CDH4: variants seen among roughly 807,000 people sequenced by gnomAD.
The protein encoded by CDH4 is cadherin 4.
CDH4 carries 33 observed loss-of-function variants against 86.0 expected under a neutral mutation model. The ratio of observed to expected loss-of-function variants is 0.38; its 90% CI spans 0.29 to 0.51. CDH4 has a LOEUF of 0.51. CDH4 is among the 20% of genes least tolerant of loss of function. CDH4 has a pLI of 0.86. For synonymous variants in CDH4, 555 were observed against 549.4 expected (o/e 1.01, Z -0.14); for missense variants, 1,114 against 1,307.4 (o/e 0.85, Z 2.28).
chr20:61,929,917 AG>A, intron 13 of CDH4, 75 bp downstream of exon 13: 2 of 1,234,632 alleles, frequency 1.6e-6, no homozygotes, highest in Non-Finnish European at 2.4e-6. Flanking sequence ...TGGTGGGCAG[AG>A]GGGGGCCTGG....
intron 2 of CDH4, among the ~76,000 whole-genome samples, chr20:61,450,655 C>T (rs1211517092): frequency 6.6e-6 from 1 of 151,846 alleles, no homozygotes; most frequent in Non-Finnish European, 1.5e-5. Flanking sequence ...TGTCCCAAAC[C>T]GAGAAGGTGT....
chr20:61,696,648 C>T (rs529342445), intron 2 of CDH4, among the ~76,000 whole-genome samples: 53 of 152,294 alleles, frequency 3.5e-4, no homozygotes, highest in Non-Finnish European at 6.2e-4. Context: ...ACCCTCTGAC[C>T]CACTACCCTC....
chr20:61,275,168 T>C (rs1302357772), intron 2 of CDH4, among the ~76,000 whole-genome samples: 3 of 85,648 alleles, frequency 3.5e-5, no homozygotes, highest in Admixed American at 1.5e-4. Context: ...GTACCATGCA[T>C]AGTTTGGGGA....
intron 2 of CDH4, among the ~76,000 whole-genome samples, chr20:61,642,766 C>G (rs1355073147): frequency 6.6e-6 from 1 of 152,146 alleles, no homozygotes; most frequent in Admixed American, 6.5e-5. Context: ...GGGGAGAAAC[C>G]ACTTCCTTAC....
intron 2 of CDH4, among the ~76,000 whole-genome samples, chr20:61,530,364 G>GC (rs2085942799): frequency 6.6e-6 from 1 of 152,076 alleles, no homozygotes; most frequent in Non-Finnish European, 1.5e-5. Flanking sequence ...TATGGCTGTT[G>GC]CCCCAGTGGC....
intron 2 of CDH4, among the ~76,000 whole-genome samples, chr20:61,610,840 C>T (rs187849023): frequency 1.3e-5 from 2 of 152,292 alleles, no homozygotes; most frequent in Non-Finnish European, 2.9e-5. Flanking sequence ...CATCTCAGCA[C>T]TAGAGGATAC....
At chr20:61,657,062 C>T (rs764353722) in intron 2 of CDH4, among the ~76,000 whole-genome samples, 15 of 152,198 alleles carry the variant, frequency 9.9e-5, no homozygotes, top group East Asian at 5.8e-4. Flanking sequence ...CCAGAGCAGA[C>T]GCCTGGCAAT....
intron 2 of CDH4, among the ~76,000 whole-genome samples, chr20:61,350,943 G>A (rs146244770): frequency 0.014 from 2,085 of 152,100 alleles, 17 homozygotes; most frequent in Non-Finnish European, 0.02. Flanking sequence ...AGAGACCATC[G>A]CTCTAGGCTG....
chr20:61,312,841 T>C (rs1283110014), intron 2 of CDH4, among the ~76,000 whole-genome samples: 1 of 152,128 alleles, frequency 6.6e-6, no homozygotes, highest in Non-Finnish European at 1.5e-5. Flanking sequence ...GTCCCTCCTC[T>C]CCAGCCTGCA....
At chr20:61,873,324 C>T (rs971463693) in intron 6 of CDH4, among the ~76,000 whole-genome samples, 1 of 152,230 alleles carries the variant, frequency 6.6e-6, no homozygotes, top group African/African-American at 2.4e-5. Flanking sequence ...TTCCTTTAAG[C>T]CCAACCACAC....
chr20:61,711,065 G>T (rs1055825648), intron 2 of CDH4, among the ~76,000 whole-genome samples: 1 of 152,210 alleles, frequency 6.6e-6, no homozygotes, highest in Admixed American at 6.5e-5. Context: ...TCCAGAGAGA[G>T]ACCAGGTGGA....
At chr20:61,562,082 G>A (rs1157314378) in intron 2 of CDH4, among the ~76,000 whole-genome samples, 2 of 133,352 alleles carry the variant, frequency 1.5e-5, no homozygotes, top group African/African-American at 5.8e-5. Flanking sequence ...AGGGGCCTCC[G>A]TGTGGAGAGG....
intron 2 of CDH4, among the ~76,000 whole-genome samples, chr20:61,410,839 A>C (rs552285108): frequency 6.6e-6 from 1 of 151,456 alleles, no homozygotes; most frequent in Non-Finnish European, 1.5e-5. Flanking sequence ...TGGTCTGTCC[A>C]TCCATCCATC....
chr20:61,507,245 C>G (rs562297093), intron 2 of CDH4, among the ~76,000 whole-genome samples: 32 of 152,312 alleles, frequency 2.1e-4, no homozygotes, highest in African/African-American at 7.0e-4. Flanking sequence ...GCTTTTGGTA[C>G]CACATCTAAT....
At chr20:61,416,620 C>A (rs1232076001) in intron 2 of CDH4, among the ~76,000 whole-genome samples, 1 of 152,116 alleles carries the variant, frequency 6.6e-6, no homozygotes, top group African/African-American at 2.4e-5. Flanking sequence ...AGGTATTTTA[C>A]ATGGTTTTAA....
rs1383686994 is a variant in CDH4, at chr20:61,625,969, G to T, written c.170-117594G>T. Among the ~76,000 whole-genome samples, 3 of 152,264 alleles carry T rather than the reference G, an allele frequency of 2.0e-5. No homozygotes were observed. The South Asian group carries it at 6.2e-4, about 31-fold the overall frequency. The stretch of plus-strand genomic sequence containing the variant: ...GTGAGGATCCAACAGGACCTGACCA[G>T]CTAGGAAGTGCTGCACCCACGTTAG... On this transcript the variant is annotated intron_variant, in intron 2 of 15. Transcript: ENST00000614565.
chr20:61,665,320 G>C (rs1011298694), intron 2 of CDH4, among the ~76,000 whole-genome samples: 1 of 152,242 alleles, frequency 6.6e-6, no homozygotes, highest in Non-Finnish European at 1.5e-5. Context: ...CTGTTCTCTG[G>C]CTTGGCCAGG....
chr20:61,786,583 G>C (rs181377683), intron 4 of CDH4, among the ~76,000 whole-genome samples: 8 of 152,110 alleles, frequency 5.3e-5, no homozygotes, highest in African/African-American at 1.7e-4. Context: ...CTATATTTAC[G>C]CAGCTGAAAG....
intron 2 of CDH4, among the ~76,000 whole-genome samples, chr20:61,502,550 G>T (rs1430075742): frequency 6.6e-6 from 1 of 152,204 alleles, no homozygotes; most frequent in Admixed American, 6.5e-5. Flanking sequence ...GTCTGTGGTT[G>T]TGTGGTTAAG....
Sources: allele counts gnomAD v4.1 joint callset (sites outside exome capture counted in the v4.1 genomes callset), GRCh38; gene constraint gnomAD v4.1.1; transcripts MANE v1.5; gene names NCBI Gene and HGNC (gene_info 2026-07-23, HGNC 2026-07-21).